FBXW11: variants seen among roughly 807,000 people sequenced by gnomAD.
FBXW11 encodes the protein F-box/WD repeat-containing protein 11.
A neutral mutation model predicts 77.6 loss-of-function variants in FBXW11; 19 were observed. The ratio of observed to expected loss-of-function variants is 0.24; its 90% CI spans 0.17 to 0.36. FBXW11 has a LOEUF of 0.36. Ranked by LOEUF, FBXW11 falls within the 10% of genes least tolerant of loss-of-function variation. FBXW11 has a pLI of 1.00. For synonymous variants in FBXW11, 235 were observed against 249.4 expected, an observed-to-expected ratio of 0.94 and a Z score of 0.54; for missense variants, 334 against 704.2, an observed-to-expected ratio of 0.47 and a Z score of 5.95.
chr5:171,999,987 A>G (rs1766315045), intron 1 of FBXW11, among the ~76,000 whole-genome samples: 1 of 152,202 alleles, frequency 6.6e-6, no homozygotes, highest in East Asian at 1.9e-4. Context: ...TTAAAACACT[A>G]AGAACCAGGT....
intron 8 of FBXW11, among the ~76,000 whole-genome samples, chr5:171,877,242 T>C (rs1039066350): frequency 2.0e-5 from 3 of 152,062 alleles, no homozygotes; most frequent in Admixed American, 6.6e-5. Flanking sequence ...CTCTAGATAG[T>C]AGATTTTGTA....
At chr5:171,875,651 A>G (rs1758028172) in intron 9 of FBXW11, among the ~76,000 whole-genome samples, 1 of 152,180 alleles carries the variant, frequency 6.6e-6, no homozygotes, top group Admixed American at 6.5e-5. Context: ...CTAAAATTCA[A>G]AAAAGTTAGC....
intron 2 of FBXW11, chr5:171,916,422 G>A (rs1224088604): frequency 2.0e-6 from 2 of 984,768 alleles, no homozygotes; most frequent in Non-Finnish European, 2.4e-6. Context: ...GAGGGAGAGG[G>A]ACAGGAGGGT....
intron 1 of FBXW11, among the ~76,000 whole-genome samples, chr5:171,983,516 C>T (rs1033496335): frequency 1.3e-5 from 2 of 152,022 alleles, no homozygotes; most frequent in African/African-American, 4.8e-5. Flanking sequence ...ATCTCGGGGA[C>T]CAAGCCCTCA....
At chr5:171,931,201 A>C (rs2113069958) in intron 2 of FBXW11, among the ~76,000 whole-genome samples, 1 of 152,376 alleles carries the variant, frequency 6.6e-6, no homozygotes, top group East Asian at 1.9e-4. Context: ...GCTAAAAAAA[A>C]TAAATAATTC....
At chr5:171,928,202 T>C (rs763180013) in intron 2 of FBXW11, among the ~76,000 whole-genome samples, 3 of 152,284 alleles carry the variant, frequency 2.0e-5, no homozygotes, top group Admixed American at 6.5e-5. Context: ...TTTAAATTTA[T>C]AGAAAATATG....
At chr5:171,931,274 T>G (rs1762176768) in intron 2 of FBXW11, among the ~76,000 whole-genome samples, 1 of 152,246 alleles carries the variant, frequency 6.6e-6, no homozygotes, top group African/African-American at 2.4e-5. Context: ...TGATACTGTC[T>G]GACTTCAAAA....
chr5:171,881,027 C>T (rs1166914322), intron 7 of FBXW11, among the ~76,000 whole-genome samples: 1 of 152,200 alleles, frequency 6.6e-6, no homozygotes, highest in Non-Finnish European at 1.5e-5. Context: ...TCACATTCCA[C>T]TTGTTCATTG....
chr5:171,869,639 A>G lies in FBXW11; in HGVS notation c.1530+90T>C. On this transcript the variant is annotated intron_variant, in intron 12 of 13. Transcript: ENST00000517395. The surrounding 1 kb of genome is among the most constrained non-coding windows in gnomAD (Gnocchi z 4.1). ...CTGAAGGCATCTTGTGAGACACACAAGCGTTCCTGTGATACACCTAGACAG... is the reference window on the plus strand; with the variant it reads ...CTGAAGGCATCTTGTGAGACACACAGGCGTTCCTGTGATACACCTAGACAG... The G allele has an allele frequency of 1.1e-6, 1 of 906,324 alleles. No individual in the cohort carries two copies. Among genetic ancestry groups the G allele is most frequent in the Non-Finnish European group, 1.6e-6 (1 of 617,950 alleles). 56.1% of individuals were successfully genotyped at this position (906,324 alleles called of 1,614,324 possible).
chr5:171,994,617 G>C (rs963417519), intron 1 of FBXW11, among the ~76,000 whole-genome samples: 1 of 152,126 alleles, frequency 6.6e-6, no homozygotes, highest in African/African-American at 2.4e-5. Context: ...ATAAAAAAAA[G>C]TTTATATGTA....
Position 171,891,585 on chromosome 5 carries a change from C to A in FBXW11, c.734G>T (p.Arg245Leu). 6.2e-7 allele frequency: 1 copy of A among 1,608,384 alleles called. No individual in the cohort carries two copies. The highest frequency in any genetic ancestry group is 8.5e-7 in the Non-Finnish European group (1 of 1,177,564). Reference sequence around the variant, plus strand: ...CCTCTGCAAGTTGTGTCGTCCACACCGCCAGTTAGATTCTATAGTCTAGGG... The same window carrying A: ...CCTCTGCAAGTTGTGTCGTCCACACAGCCAGTTAGATTCTATAGTCTAGGG... ...QDIETIESNWRCGRHNLQRIQ... is the reference protein window; with the variant it reads ...QDIETIESNWLCGRHNLQRIQ... Residue 245 changes from arginine to leucine, a missense_variant, in exon 7 of 14, where the codon CGG (arginine) becomes CTG (leucine). This residue lies in a region of FBXW11 where 70 missense variants were observed against 136.6 expected (regional missense o/e 0.51). Transcript: ENST00000517395.
rs114430962 is a variant in FBXW11, at chr5:172,000,186, G to T, written c.45+6272C>A. 3.2e-4 allele frequency among the ~76,000 whole-genome samples: 48 copies of T among 152,288 alleles called. 1 individual carries two copies. The highest frequency in any genetic ancestry group is 5.4e-4 in the Non-Finnish European group (37 of 68,030). ...ACAATACAACTCAGAAGAAAATCTT[G>T]TATGAATTCTCACTGCTTATTCTGT... On this transcript the variant is annotated intron_variant, in intron 1 of 13. Transcript: ENST00000517395.
At chr5:171,953,715 T>A (rs1436668229) in intron 2 of FBXW11, among the ~76,000 whole-genome samples, 1 of 151,914 alleles carries the variant, frequency 6.6e-6, no homozygotes, top group East Asian at 1.9e-4. Context: ...GAAACAGGGG[T>A]TCGGGAAAAT....
intron 8 of FBXW11, 105 bp downstream of exon 8, chr5:171,877,906 T>C (rs892335281): frequency 1.2e-6 from 1 of 817,324 alleles, no homozygotes; most frequent in Non-Finnish European, 2.0e-6. Flanking sequence ...AAATACAGCA[T>C]GTAAAAATGT....
intron 2 of FBXW11, among the ~76,000 whole-genome samples, chr5:171,915,105 T>C (rs1761141796): frequency 6.6e-6 from 1 of 152,212 alleles, no homozygotes. Context: ...TGATTGGATT[T>C]TCCCTTTTGA....
chr5:171,957,550 C>A, intron 2 of FBXW11, 47 bp downstream of exon 2: 2 of 1,479,888 alleles, frequency 1.4e-6, no homozygotes, highest in South Asian at 2.3e-5. Flanking sequence ...AACAAATGTT[C>A]ATGGCATACG....
chr5:171,908,731 A>T (rs1339311980), intron 4 of FBXW11: 1 of 152,194 alleles, frequency 6.6e-6, no homozygotes, highest in Non-Finnish European at 1.5e-5. Context: ...AGAGATTAGA[A>T]ATCAGAAGCT....
intron 6 of FBXW11, among the ~76,000 whole-genome samples, chr5:171,897,818 A>G (rs17074154): frequency 0.026 from 3,987 of 152,122 alleles, 163 homozygotes; most frequent in African/African-American, 0.091. Flanking sequence ...GAAATGCCTT[A>G]GTACAACTAC....
At chr5:171,915,225 T>G (rs1228627347) in intron 2 of FBXW11, among the ~76,000 whole-genome samples, 2 of 152,168 alleles carry the variant, frequency 1.3e-5, no homozygotes, top group African/African-American at 4.8e-5. Context: ...CTAAATTCCT[T>G]CCAAAACCTA....
Sources: allele counts gnomAD v4.1 joint callset (sites outside exome capture counted in the v4.1 genomes callset), GRCh38; gene constraint gnomAD v4.1.1; regional missense constraint gnomAD v4.1.1; non-coding constraint Gnocchi (gnomAD v3.1); transcripts MANE v1.5; gene names NCBI Gene and HGNC (gene_info 2026-07-23, HGNC 2026-07-21).